Variants in CEMIP observed in about 807,000 individuals in gnomAD.
CEMIP encodes the protein cell migration-inducing and hyaluronan-binding protein.
CEMIP carries 105 observed loss-of-function variants against 156.9 expected under a neutral mutation model. That is an observed-to-expected ratio of 0.67 (90% CI 0.57 to 0.79). CEMIP has a LOEUF of 0.79. Among genes scored for constraint, CEMIP ranks in the 30% least tolerant of loss-of-function variants. CEMIP has a pLI of 0.00. For synonymous variants in CEMIP, 676 were observed against 668.4 expected (o/e 1.01, Z -0.17); for missense variants, 1,457 against 1,769.4 (o/e 0.82, Z 3.17).
At position 80,841,348 on chromosome 15, in the gene CEMIP, A is replaced by G. The variant is rs114880406; in HGVS notation, c.-175-32190A>G. On this transcript the variant is annotated intron_variant, in intron 1 of 29. Transcript: ENST00000394685. ...AGGGCCACCTAAACAAAGGGCCCCC[A>G]TGACAGTGATGGGTTGGGGGTGGAG... 1.1e-3 allele frequency among the ~76,000 whole-genome samples: 175 copies of G among 152,240 alleles called. 1 individual carries two copies. Among genetic ancestry groups the G allele is most frequent in the African/African-American group, 3.9e-3 (162 of 41,544 alleles).
intron 1 of CEMIP, among the ~76,000 whole-genome samples, chr15:80,864,084 C>T (rs1159147584): frequency 6.6e-6 from 1 of 152,110 alleles, no homozygotes; most frequent in Non-Finnish European, 1.5e-5. Context: ...CTTCTCATAC[C>T]CTGGCCCTCT....
intron 1 of CEMIP, among the ~76,000 whole-genome samples, chr15:80,857,294 G>T (rs1173276421): frequency 1.3e-5 from 2 of 152,200 alleles, no homozygotes; most frequent in African/African-American, 4.8e-5. Flanking sequence ...TCCAGGCACA[G>T]CAGGTGCCAA....
intron 8 of CEMIP, 85 bp from the exon 9 acceptor site, chr15:80,888,616 G>GT: frequency 9.8e-7 from 1 of 1,021,754 alleles, no homozygotes; most frequent in South Asian, 1.3e-5. Context: ...GCCCATGTGC[G>GT]TAGGGGGGTT....
intron 1 of CEMIP, among the ~76,000 whole-genome samples, chr15:80,869,819 T>G (rs902144757): frequency 2.0e-5 from 3 of 152,196 alleles, no homozygotes; most frequent in African/African-American, 7.2e-5. Context: ...ATCAGTAGTA[T>G]TATTATTCCC....
chr15:80,876,729 TG>T (rs1898492230), intron 3 of CEMIP, among the ~76,000 whole-genome samples: 1 of 152,152 alleles, frequency 6.6e-6, no homozygotes, highest in African/African-American at 2.4e-5. Flanking sequence ...AGTGTGGGTG[TG>T]GGGTCTGTAT....
intron 12 of CEMIP, among the ~76,000 whole-genome samples, chr15:80,900,397 C>T (rs904481556): frequency 5.9e-5 from 9 of 152,154 alleles, no homozygotes; most frequent in African/African-American, 1.7e-4. Context: ...CCCACCTCAA[C>T]GCCCTCCACT....
chr15:80,873,709 C>T lies in CEMIP; in HGVS notation c.-17+13C>T. The T allele has an allele frequency of 1.6e-6, 1 of 638,522 alleles. No individual in the cohort carries two copies. Among genetic ancestry groups the T allele is most frequent in the Non-Finnish European group, 2.9e-6 (1 of 350,670 alleles). 39.6% of individuals were successfully genotyped at this position (638,522 alleles called of 1,614,324 possible). On this transcript the variant is annotated intron_variant, in intron 2 of 29. Transcript: ENST00000394685. ...GGGGAAGCCACTGGTGAGGACGCTGCACTGGAGTGTGGGCTGGCTGAGTGT... is the reference window on the plus strand; with the variant it reads ...GGGGAAGCCACTGGTGAGGACGCTGTACTGGAGTGTGGGCTGGCTGAGTGT...
At chr15:80,853,162 G>GA (rs1050795463) in intron 1 of CEMIP, among the ~76,000 whole-genome samples, 4 of 152,160 alleles carry the variant, frequency 2.6e-5, no homozygotes, top group Admixed American at 2.6e-4. Context: ...GACCCTGGGA[G>GA]AAAAAAGTCA....
chr15:80,784,380 CACA>C (rs958820534), intron 1 of CEMIP, among the ~76,000 whole-genome samples: 1 of 152,162 alleles, frequency 6.6e-6, no homozygotes. Context: ...GAGGGAGGGC[CACA>C]GGCTTCCCCA....
chr15:80,797,187 C>T (rs1896251939), intron 1 of CEMIP, among the ~76,000 whole-genome samples: 2 of 152,146 alleles, frequency 1.3e-5, no homozygotes, highest in African/African-American at 4.8e-5. Context: ...CTGTGATTGT[C>T]AGAAATTGAG....
intron 23 of CEMIP, among the ~76,000 whole-genome samples, chr15:80,935,723 G>A (rs1008231248): frequency 1.3e-5 from 2 of 151,812 alleles, no homozygotes; most frequent in South Asian, 2.1e-4. Context: ...AGGACATGGC[G>A]TTTTTTTTGT....
intron 14 of CEMIP, among the ~76,000 whole-genome samples, chr15:80,912,923 C>T (rs11632140): frequency 0.75 from 113,513 of 152,038 alleles, 45,828 homozygotes; most frequent in Non-Finnish European, 0.89. Context: ...ATTTGGAATG[C>T]AGAGGCCACT....
chr15:80,839,493 CA>C (rs887319161), intron 1 of CEMIP, among the ~76,000 whole-genome samples: 12 of 152,162 alleles, frequency 7.9e-5, no homozygotes, highest in African/African-American at 2.4e-4. Context: ...GCAGGAGGGC[CA>C]GCACCCGCAG....
At chr15:80,931,298 C>G (rs1900902343) in intron 21 of CEMIP, among the ~76,000 whole-genome samples, 1 of 152,138 alleles carries the variant, frequency 6.6e-6, no homozygotes, top group Admixed American at 6.6e-5. Context: ...CTTTTCCCCT[C>G]TGTTTCCCAA....
Position 80,932,409 on chromosome 15 carries a change from A to C in CEMIP, c.2793+370A>C, listed in dbSNP as rs780546844. 5.3e-5 allele frequency among the ~76,000 whole-genome samples: 8 copies of C among 152,176 alleles called. No individual in the cohort carries two copies. Among genetic ancestry groups the C allele is most frequent in the Non-Finnish European group, 1.0e-4 (7 of 68,034 alleles). ...TGGCACAAAGAATCTAACAAGCCCC[A>C]CAGTTTCCAAGGGAAGTCTTAGCTG... is the stretch of plus-strand genomic sequence containing the variant. On this transcript the variant is annotated intron_variant, in intron 22 of 29. Transcript: ENST00000394685. The surrounding 1 kb of genome is among the most constrained non-coding windows in gnomAD (Gnocchi z 4.5).
At position 80,924,578 on chromosome 15, in the gene CEMIP, C is replaced by G. The variant is rs899248901; in HGVS notation, c.2203-43C>G. 5.1e-6 allele frequency: 8 copies of G among 1,561,620 alleles called. No homozygotes were observed. The East Asian group carries it at 1.1e-4, about 22-fold the overall frequency. ...TGACTGTGAGACGATGCCTGTAGCC[C>G]ACAGTAGAAACTAATGTGTCCCTGA... On this transcript the variant is annotated intron_variant, in intron 17 of 29. Transcript: ENST00000394685.
At chr15:80,872,273 AGAG>A (rs529202182) in intron 1 of CEMIP, among the ~76,000 whole-genome samples, 80 of 152,318 alleles carry the variant, frequency 5.3e-4, no homozygotes, top group African/African-American at 1.7e-3. Flanking sequence ...AGTCATATTC[AGAG>A]GAGAAATTGC....
chr15:80,949,097 G>T lies in CEMIP; in HGVS notation c.*173G>T. Reference sequence around the variant, plus strand: ...ATCAGAGACCCTGGTGCTGCCACCTGCCCCTACTCAAGTGTCTACCTGGAG... The same window carrying T: ...ATCAGAGACCCTGGTGCTGCCACCTTCCCCTACTCAAGTGTCTACCTGGAG... On this transcript the variant is annotated 3_prime_UTR_variant, in exon 30 of 30. Coordinates refer to ENST00000394685, the MANE Select transcript of CEMIP (RefSeq NM_001293298.2). 2 of 827,190 alleles carry T rather than the reference G, an allele frequency of 2.4e-6. No individual in the cohort carries two copies. Among genetic ancestry groups the T allele is most frequent in the Admixed American group, 4.0e-5 (2 of 50,368 alleles). 51.2% of individuals were successfully genotyped at this position (827,190 alleles called of 1,614,324 possible). A position where few individuals can be genotyped will look rare whatever the true frequency, so the allele number is the denominator to read the frequency against.
chr15:80,900,872 G>A, intron 12 of CEMIP: 1 of 451,506 alleles, frequency 2.2e-6, no homozygotes, highest in Non-Finnish European at 4.4e-6. Context: ...CCCCAGGCTG[G>A]CTGCAGACAC....
Sources: gnomAD v4.1 joint callset for allele counts (sites outside exome capture counted in the v4.1 genomes callset) on GRCh38, gnomAD v4.1.1 for gene constraint, Gnocchi (gnomAD v3.1) non-coding constraint, MANE v1.5 for transcripts, NCBI Gene and HGNC (gene_info 2026-07-23, HGNC 2026-07-21) for gene names.